PIBF1: variants seen among roughly 807,000 people sequenced by gnomAD.
The protein encoded by PIBF1 is progesterone-induced-blocking factor 1.
Under a neutral mutation model 112.5 loss-of-function variants are expected in PIBF1, and 90 were observed. The observed-to-expected ratio is 0.80, with a 90% CI of 0.67 to 0.95. The LOEUF is 0.95. Among genes scored for constraint, PIBF1 ranks in the 40% least tolerant of loss-of-function variants. PIBF1 has a pLI of 0.00. For missense variants in PIBF1, 915 were observed against 852.3 expected (o/e 1.07, Z -0.92); for synonymous variants, 301 against 288.6 (o/e 1.04, Z -0.44).
chr13:72,822,889 C>T (rs866477752), intron 6 of PIBF1, among the ~76,000 whole-genome samples: 25 of 152,134 alleles, frequency 1.6e-4, no homozygotes, highest in African/African-American at 6.0e-4. Flanking sequence ...TCCATGAGAG[C>T]TGTGCTCAGT....
intron 17 of PIBF1, among the ~76,000 whole-genome samples, chr13:73,013,781 C>T (rs778563784): frequency 3.3e-4 from 50 of 150,116 alleles, no homozygotes; most frequent in East Asian, 9.7e-4. Context: ...GAAAGAAGCC[C>T]GAGGAAAATA....
chr13:72,830,765 G>A (rs2037066920), intron 8 of PIBF1, among the ~76,000 whole-genome samples: 1 of 152,158 alleles, frequency 6.6e-6, no homozygotes, highest in African/African-American at 2.4e-5. Flanking sequence ...CCAGGTTTTG[G>A]TATTAGGATG....
intron 14 of PIBF1, among the ~76,000 whole-genome samples, chr13:72,944,986 G>A (rs2042112316): frequency 6.6e-6 from 1 of 152,014 alleles, no homozygotes; most frequent in Non-Finnish European, 1.5e-5. Context: ...GAGTTTAATT[G>A]CTACTGTCAC....
chr13:72,918,888 G>A (rs1281386547), intron 13 of PIBF1, among the ~76,000 whole-genome samples: 4 of 151,714 alleles, frequency 2.6e-5, no homozygotes, highest in Non-Finnish European at 5.9e-5. Flanking sequence ...ATTTTTAATA[G>A]CGACAGGGTT....
rs1211954588 is a variant in PIBF1, at chr13:72,931,221, A to G, written c.1787A>G (p.Lys596Arg). The G allele has an allele frequency of 1.9e-6, 3 of 1,613,318 alleles. No individual in the cohort carries two copies. Among genetic ancestry groups the G allele is most frequent in the Non-Finnish European group, 2.5e-6 (3 of 1,179,544 alleles). Reference sequence around the variant, plus strand: ...GAAAAACAAAACTCGCTGATTTTAAAAGATCTGGAACATCGAAAGGACCAA... The same window carrying G: ...GAAAAACAAAACTCGCTGATTTTAAGAGATCTGGAACATCGAAAGGACCAA... ...QLEKQNSLIL[K>R]DLEHRKDQVT... Residue 596 changes from lysine to arginine, a missense_variant, in exon 14 of 18, where the codon AAA becomes AGA. Coordinates refer to ENST00000326291, the MANE Select transcript of PIBF1 (RefSeq NM_006346.4).
At chr13:72,916,012 A>G (rs1365617558) in intron 12 of PIBF1, among the ~76,000 whole-genome samples, 1 of 152,164 alleles carries the variant, frequency 6.6e-6, no homozygotes, top group Non-Finnish European at 1.5e-5. Context: ...TTATATGTCA[A>G]TGACTGCTTT....
At chr13:72,852,717 C>G (rs2038221962) in intron 9 of PIBF1, among the ~76,000 whole-genome samples, 1 of 152,190 alleles carries the variant, frequency 6.6e-6, no homozygotes, top group Admixed American at 6.5e-5. Context: ...GCATTTCTAT[C>G]CAATATTCAA....
chr13:72,971,449 A>G (rs781463380), intron 15 of PIBF1, among the ~76,000 whole-genome samples: 1 of 152,188 alleles, frequency 6.6e-6, no homozygotes, highest in African/African-American at 2.4e-5. Flanking sequence ...CTAGCAGAAC[A>G]TGGCACTCAG....
intron 3 of PIBF1, 37 bp downstream of exon 3, chr13:72,792,584 A>G (rs767323649): frequency 3.8e-6 from 4 of 1,064,380 alleles, no homozygotes; most frequent in South Asian, 3.0e-5. Context: ...AACAACATCT[A>G]TTTAGCAATT....
chr13:72,919,116 T>TA (rs750590605), intron 13 of PIBF1, among the ~76,000 whole-genome samples: 5 of 152,218 alleles, frequency 3.3e-5, no homozygotes, highest in Non-Finnish European at 5.9e-5. Flanking sequence ...TGCTTTTTTT[T>TA]ATGTGAACTG....
At chr13:72,890,210 C>T (rs1282753875) in intron 10 of PIBF1, among the ~76,000 whole-genome samples, 1 of 152,160 alleles carries the variant, frequency 6.6e-6, no homozygotes, top group Non-Finnish European at 1.5e-5. Context: ...TTTCCTGTTT[C>T]TGAGACTCCA....
At chr13:72,901,712 A>G (rs1309375239) in intron 11 of PIBF1, among the ~76,000 whole-genome samples, 3 of 151,550 alleles carry the variant, frequency 2.0e-5, no homozygotes, top group Non-Finnish European at 4.4e-5. Flanking sequence ...CAACCAGTAG[A>G]TGTTGGCATG....
At chr13:72,831,626 G>A (rs1345902325) in intron 8 of PIBF1, among the ~76,000 whole-genome samples, 7 of 152,200 alleles carry the variant, frequency 4.6e-5, no homozygotes, top group Admixed American at 4.6e-4. Context: ...TGTGTTCTGA[G>A]AGACAGTTTG....
intron 6 of PIBF1, 110 bp downstream of exon 6, chr13:72,822,092 C>T: frequency 9.4e-6 from 9 of 956,114 alleles, no homozygotes; most frequent in Non-Finnish European, 1.4e-5. Flanking sequence ...CCTTATTCTT[C>T]TTTGCACAAA....
At chr13:72,998,222 A>G (rs2043742144) in intron 16 of PIBF1, among the ~76,000 whole-genome samples, 1 of 152,214 alleles carries the variant, frequency 6.6e-6, no homozygotes, top group Non-Finnish European at 1.5e-5. Flanking sequence ...CTCAGCGAAT[A>G]TATGTGGAGC....
chr13:72,915,302 G>C (rs771318852), intron 12 of PIBF1, among the ~76,000 whole-genome samples: 23 of 152,126 alleles, frequency 1.5e-4, no homozygotes, highest in Non-Finnish European at 2.9e-4. Flanking sequence ...CTTGTAGCAT[G>C]GGAAATAGTG....
chr13:72,943,549 T>A (rs1427760613), intron 14 of PIBF1, among the ~76,000 whole-genome samples: 1 of 152,234 alleles, frequency 6.6e-6, no homozygotes, highest in Non-Finnish European at 1.5e-5. Context: ...TCATGACTTA[T>A]TTTTAAAGGC....
At position 72,899,554 on chromosome 13, in the gene PIBF1, A is replaced by G. The variant is rs114670572; in HGVS notation, c.1488+5605A>G. Among the ~76,000 whole-genome samples the G allele has an allele frequency of 5.2e-3, 798 of 152,322 alleles. 14 individuals are homozygous for G. Among genetic ancestry groups the G allele is most frequent in the African/African-American group, 0.018 (748 of 41,562 alleles). The stretch of plus-strand genomic sequence containing the variant: ...AATAGATGCAGAAACAGCGTTAGAC[A>G]AAATCCAGCATCGCTTTATGATTGA... On this transcript the variant is annotated intron_variant, in intron 11 of 17. Transcript: ENST00000326291.
intron 10 of PIBF1, among the ~76,000 whole-genome samples, chr13:72,876,134 CTTTT>C (rs386363749): frequency 4.4e-5 from 4 of 91,234 alleles, no homozygotes; most frequent in African/African-American, 8.8e-5. Context: ...TGTTCAGATT[CTTTT>C]TTTTTTTTTT....
Sources: gnomAD v4.1 joint callset for allele counts (sites outside exome capture counted in the v4.1 genomes callset) on GRCh38, gnomAD v4.1.1 for gene constraint, MANE v1.5 for transcripts, NCBI Gene and HGNC (gene_info 2026-07-23, HGNC 2026-07-21) for gene names.